The following NPR2 variants were observed in gnomAD, a reference collection of about 807,000 sequenced individuals.
NPR2 encodes atrial natriuretic peptide receptor 2.
NPR2 carries 49 observed loss-of-function variants against 120.7 expected under a neutral mutation model. The observed-to-expected ratio is 0.41, with a 90% CI of 0.32 to 0.52. NPR2 has a LOEUF of 0.52. Among genes scored for constraint, NPR2 ranks in the 20% least tolerant of loss-of-function variants. The pLI is 0.36. For synonymous variants in NPR2, 484 were observed against 519.8 expected (o/e 0.93, Z 0.94); for missense variants, 931 against 1,362.9 (o/e 0.68, Z 4.99).
Position 35,807,119 on chromosome 9 carries a change from A to G in NPR2, c.2616A>G (p.Ala872=). The G allele has an allele frequency of 3.0e-6, 4 of 1,347,152 alleles. No individual in the cohort carries two copies. Among genetic ancestry groups the G allele is most frequent in the Middle Eastern group, 2.1e-4 (1 of 4,728 alleles). 83.4% of individuals were successfully genotyped at this position (1,347,152 alleles called of 1,614,324 possible). A position where few individuals can be genotyped will look rare whatever the true frequency, so the allele number is the denominator to read the frequency against. Residue 872 remains alanine (A), a synonymous_variant, in exon 17 of 22, where the codon GCA becomes GCG. Coordinates refer to ENST00000342694, the MANE Select transcript of NPR2 (RefSeq NM_003995.4). ...IYFSDIVGFT[A]LSAESTPMQV... Reference sequence around the variant, plus strand: ...TCAGTGACATTGTTGGCTTCACAGCATTGTCAGCAGAGAGCACCCCCATGC... The same window carrying G: ...TCAGTGACATTGTTGGCTTCACAGCGTTGTCAGCAGAGAGCACCCCCATGC...
Position 35,792,364 on chromosome 9 carries a change from A to G in NPR2, c.-45A>G. On this transcript the variant is annotated 5_prime_UTR_variant, in exon 1 of 22. Coordinates refer to ENST00000342694, the MANE Select transcript of NPR2 (RefSeq NM_003995.4). Reference sequence around the variant, plus strand: ...TGCTCGCGTCTCCCCTGTAGGCCAGAGCAGCCCCAAGTTCTGGGGGCGGTG... The same window carrying G: ...TGCTCGCGTCTCCCCTGTAGGCCAGGGCAGCCCCAAGTTCTGGGGGCGGTG... 6.3e-7 allele frequency: 1 copy of G among 1,590,092 alleles called. No individual in the cohort carries two copies.
Position 35,809,036 on chromosome 9 carries a change from T to C in NPR2, c.2987-120T>C. The C allele has an allele frequency of 2.8e-6, 3 of 1,069,832 alleles. No individual in the cohort carries two copies. The highest frequency in any genetic ancestry group is 1.7e-5 in the Admixed American group (1 of 59,330). The allele number at this position is 1,069,832 out of a possible 1,614,324, so 66.3% of individuals were successfully genotyped here. On this transcript the variant is annotated intron_variant, in intron 20 of 21. Transcript: ENST00000342694. The surrounding 1 kb of genome is among the most constrained non-coding windows in gnomAD (Gnocchi z 4.1). ...GGGCATATTTTGGTCCTAATAGATA[T>C]GCATTGGGAGCTTCCCAGGGATGGT...
At position 35,792,656 on chromosome 9, in the gene NPR2, G is replaced by A. The variant is rs3729731; in HGVS notation, c.248G>A (p.Ser83Asn). ...TGCTCTGAGTACCTGGCACCGCTGAGCGCTGTGGACCTCAAGCTGTACCAT... is the reference window on the plus strand; with the variant it reads ...TGCTCTGAGTACCTGGCACCGCTGAACGCTGTGGACCTCAAGCTGTACCAT... ...GACSEYLAPLSAVDLKLYHDP... is the reference protein window; with the variant it reads ...GACSEYLAPLNAVDLKLYHDP... Residue 83 changes from serine to asparagine, a missense_variant, in exon 1 of 22, where the codon AGC (serine) becomes AAC (asparagine). Physicochemically the swap from Ser to Asn is conservative, Grantham distance 46. Coordinates refer to ENST00000342694, the MANE Select transcript of NPR2 (RefSeq NM_003995.4). The A allele has an allele frequency of 6.2e-7, 1 of 1,614,122 alleles. No individual in the cohort carries two copies. The highest frequency in any genetic ancestry group is 8.5e-7 in the Non-Finnish European group (1 of 1,180,034).
rs540921087 is a variant in NPR2, at chr9:35,806,269, A to C, written c.2372+36A>C. The stretch of plus-strand genomic sequence containing the variant: ...ATTATGGGGCAGGGGCTTCCCAGGG[A>C]TAGAAGACTCATTAGTCCTAGTGCA... On this transcript the variant is annotated intron_variant, in intron 15 of 21. Transcript: ENST00000342694. The surrounding 1 kb of genome is among the most constrained non-coding windows in gnomAD (Gnocchi z 4.6). 9.3e-6 allele frequency: 15 copies of C among 1,613,682 alleles called. No individual in the cohort carries two copies. The South Asian group carries it at 1.3e-4, about 14-fold the overall frequency.
chr9:35,801,479 C>T (rs1357737016), intron 7 of NPR2, among the ~76,000 whole-genome samples, 164 bp from the exon 8 acceptor site: 2 of 152,220 alleles, frequency 1.3e-5, no homozygotes, highest in East Asian at 3.9e-4. Flanking sequence ...GAGCATAGGG[C>T]ATGTGCCAGA....
At chr9:35,799,384 G>C (rs1028119093) in intron 2 of NPR2, among the ~76,000 whole-genome samples, 1 of 151,476 alleles carries the variant, frequency 6.6e-6, no homozygotes, top group Non-Finnish European at 1.5e-5. Context: ...TTCAGGAGGA[G>C]TGCCACTCCC....
At chr9:35,793,182 G>A in intron 1 of NPR2, 107 bp downstream of exon 1, 5 of 1,238,408 alleles carry the variant, frequency 4.0e-6, no homozygotes, top group Non-Finnish European at 5.5e-6. Flanking sequence ...GCAGCTGTAT[G>A]TGGTGGTTGG....
At chr9:35,794,137 G>C (rs371652379) in intron 2 of NPR2, 34 bp downstream of exon 2, 2 of 1,594,084 alleles carry the variant, frequency 1.3e-6, no homozygotes, top group Non-Finnish European at 1.7e-6. Context: ...GGAGGAGGGG[G>C]AAGAGGTGCT....
In NPR2 at chr9:35,792,174, C is replaced by A; in HGVS notation, c.-235C>A. On this transcript the variant is annotated 5_prime_UTR_variant, in exon 1 of 22. It introduces an in-frame stop codon into an upstream open reading frame of the 5' UTR. Transcript: ENST00000342694. ...CTCCCTCCCCCTGCCACCCCGTTCT[C>A]AGTCCTCAGTCCTTGCCCTAGGCTG... The A allele has an allele frequency of 2.2e-6, 1 of 464,958 alleles. No individual in the cohort carries two copies. The highest frequency in any genetic ancestry group is 3.9e-6 in the Non-Finnish European group (1 of 254,808). 28.8% of individuals were successfully genotyped at this position (464,958 alleles called of 1,614,324 possible). A position where few individuals can be genotyped will look rare whatever the true frequency, so the allele number is the denominator to read the frequency against.
In NPR2 at chr9:35,805,869, C is replaced by T. The variant is rs1286448442; in HGVS notation, c.2087C>T (p.Pro696Leu). ...GCCCCAGAACTGCTCAGTGGGAACCCCTTGCCAACCACAGGCATGCAGAAG... is the reference window on the plus strand; with the variant it reads ...GCCCCAGAACTGCTCAGTGGGAACCTCTTGCCAACCACAGGCATGCAGAAG... ...WTAPELLSGN[P>L]LPTTGMQKAD... The change falls in exon 14 of 22, where the codon CCC becomes CTC. Residue 696 changes from proline to leucine, a missense_variant. Pro to Leu is a moderately conservative substitution (Grantham distance 98). Coordinates refer to ENST00000342694, the MANE Select transcript of NPR2 (RefSeq NM_003995.4). The surrounding 1 kb of genome is among the most constrained non-coding windows in gnomAD (Gnocchi z 4.9). 4.3e-6 allele frequency: 7 copies of T among 1,613,984 alleles called. No homozygotes were observed. The highest frequency in any genetic ancestry group is 5.9e-6 in the Non-Finnish European group (7 of 1,179,952).
intron 2 of NPR2, among the ~76,000 whole-genome samples, 182 bp from the exon 3 acceptor site, chr9:35,799,436 A>T (rs986728935): frequency 6.6e-6 from 1 of 151,784 alleles, no homozygotes; most frequent in East Asian, 1.9e-4. Context: ...ACACACACAC[A>T]CACACACACG....
rs1828366666 is a variant in NPR2, at chr9:35,806,093, G to A, written c.2232G>A (p.Gln744=). 2 of 1,614,162 alleles carry A rather than the reference G, an allele frequency of 1.2e-6. No individual in the cohort carries two copies. Among genetic ancestry groups the A allele is most frequent in the Non-Finnish European group, 1.7e-6 (2 of 1,180,010 alleles). ...TTGTCCAGAAGGTACGAAATGGTCAGCGGCCATATTTCCGGCCAAGCATTG... is the reference window on the plus strand; with the variant it reads ...TTGTCCAGAAGGTACGAAATGGTCAACGGCCATATTTCCGGCCAAGCATTG... ...KEIVQKVRNG[Q]RPYFRPSIDR... Residue 744 remains glutamine, a synonymous_variant, in exon 15 of 22, where the codon CAG becomes CAA. Transcript: ENST00000342694. The surrounding 1 kb of genome is among the most constrained non-coding windows in gnomAD (Gnocchi z 4.6).
intron 2 of NPR2, among the ~76,000 whole-genome samples, chr9:35,798,345 T>A (rs115909183): frequency 6.6e-6 from 1 of 152,264 alleles, no homozygotes; most frequent in Admixed American, 6.5e-5. Context: ...TCAATTCCCT[T>A]CTCTTTTTAA....
In NPR2 at chr9:35,793,086, C is replaced by G. The variant is rs1477695310; in HGVS notation, c.667+11C>G. 1 of 1,582,168 alleles carries G rather than the reference C, an allele frequency of 6.3e-7. No homozygotes were observed. Among genetic ancestry groups the G allele is most frequent in the African/African-American group, 1.3e-5 (1 of 74,526 alleles). ...GGGCCAACGGGCGCAGTGAGTGTGG[C>G]CTGGGCTATTTTAGGGTCATGGGAG... On this transcript the variant is annotated intron_variant, in intron 1 of 21. Transcript: ENST00000342694.
Position 35,798,306 on chromosome 9 carries a change from C to T in NPR2, c.874-1312C>T, listed in dbSNP as rs556339631. Among the ~76,000 whole-genome samples the T allele has an allele frequency of 3.3e-5, 5 of 152,250 alleles. No individual in the cohort carries two copies. The South Asian group carries it at 1.0e-3, about 32-fold the overall frequency. Reference sequence around the variant, plus strand: ...CTTTATTTTATTCTTGGAACAGGTGCTACTGAATGAACTATTTCAACCCTT... The same window carrying T: ...CTTTATTTTATTCTTGGAACAGGTGTTACTGAATGAACTATTTCAACCCTT... On this transcript the variant is annotated intron_variant, in intron 2 of 21. Transcript: ENST00000342694.
Position 35,808,478 on chromosome 9 carries a change from G to A in NPR2, c.2713-31G>A, listed in dbSNP as rs777597903. On this transcript the variant is annotated intron_variant, in intron 18 of 21. Transcript: ENST00000342694. The surrounding 1 kb of genome is among the most constrained non-coding windows in gnomAD (Gnocchi z 4.0). ...TTTCCCATCCCCATGGATATAAATA[G>A]AGGTGACCTTTTAATCCCCCTCTCA... 22 of 1,610,544 alleles carry A rather than the reference G, an allele frequency of 1.4e-5. No individual in the cohort carries two copies. The highest frequency in any genetic ancestry group is 1.6e-4 in the Middle Eastern group (1 of 6,074).
Position 35,800,786 on chromosome 9 carries a change from T to C in NPR2, c.1296T>C (p.Pro432=), listed in dbSNP as rs371424072. The change falls in exon 6 of 22, where the codon CCT becomes CCC. Residue 432 remains proline, a synonymous_variant. Coordinates refer to ENST00000342694, the MANE Select transcript of NPR2 (RefSeq NM_003995.4). The surrounding 1 kb of genome is among the most constrained non-coding windows in gnomAD (Gnocchi z 4.7). ...GRPIPWVKGA[P]PSDNPPCAFD... is the part of the protein sequence containing the mutation. ...CTATTCCCTGGGTGAAGGGGGCTCC[T>C]CCCTCGGACAATCCCCCCTGTGCCT... 6 of 1,613,990 alleles carry C rather than the reference T, an allele frequency of 3.7e-6. No homozygotes were observed. Among genetic ancestry groups the C allele is most frequent in the Non-Finnish European group, 5.1e-6 (6 of 1,180,008 alleles).
At position 35,804,076 on chromosome 9, in the gene NPR2, G is replaced by T. The variant is rs183867588; in HGVS notation, c.1887+1273G>T. Among the ~76,000 whole-genome samples, 67 of 152,274 alleles carry T rather than the reference G, an allele frequency of 4.4e-4. 1 individual carries two copies. The East Asian group carries it at 0.013, about 29-fold the overall frequency. ...TGATACCAAAATAAATAAAAAGGAA[G>T]AATTCATAGAGATTAGAGTTATGAA... is the stretch of plus-strand genomic sequence containing the variant. On this transcript the variant is annotated intron_variant, in intron 12 of 21. Transcript: ENST00000342694.
Position 35,792,743 on chromosome 9 carries a change from C to T in NPR2, c.335C>T (p.Ala112Val). Reference sequence around the variant, plus strand: ...CCTGCTGCCTCTGTGGCCCGCTTTGCCTCCCACTGGCGCCTTCCCCTGCTG... The same window carrying T: ...CCTGCTGCCTCTGTGGCCCGCTTTGTCTCCCACTGGCGCCTTCCCCTGCTG... ...VYPAASVARF[A>V]SHWRLPLLTA... is the part of the protein sequence containing the mutation. The change falls in exon 1 of 22, where the codon GCC (alanine) becomes GTC (valine). Residue 112 changes from alanine to valine, a missense_variant. This residue lies in a region of NPR2 where 681 missense variants were observed against 974.3 expected (regional missense o/e 0.70). Coordinates refer to ENST00000342694, the MANE Select transcript of NPR2 (RefSeq NM_003995.4). The T allele has an allele frequency of 6.2e-7, 1 of 1,614,168 alleles. No homozygotes were observed. The highest frequency in any genetic ancestry group is 8.5e-7 in the Non-Finnish European group (1 of 1,180,030).
Sources: gnomAD v4.1 joint callset for allele counts (sites outside exome capture counted in the v4.1 genomes callset) on GRCh38, gnomAD v4.1.1 for gene constraint, gnomAD v4.1.1 regional missense constraint, Gnocchi (gnomAD v3.1) non-coding constraint, MANE v1.5 for transcripts, NCBI Gene and HGNC (gene_info 2026-07-23, HGNC 2026-07-21) for gene names.